MAMLD1: variants seen among roughly 807,000 people sequenced by gnomAD.
MAMLD1 encodes the protein mastermind-like domain-containing protein 1.
A neutral mutation model predicts 45.0 loss-of-function variants in MAMLD1; 14 were observed. That is an observed-to-expected ratio of 0.31 (90% CI 0.21 to 0.49). The LOEUF is 0.49. Ranked by LOEUF, MAMLD1 falls within the 20% of genes least tolerant of loss-of-function variation. The probability of loss-of-function intolerance (pLI) is 0.99; values close to 1 mark genes in which losing one functional copy is unlikely to be tolerated. For synonymous variants in MAMLD1, 254 were observed against 247.8 expected, an observed-to-expected ratio of 1.02 and a Z score of -0.24; for missense variants, 543 against 603.6, an observed-to-expected ratio of 0.90 and a Z score of 1.05.
intron 1 of MAMLD1, among the ~76,000 whole-genome samples, chrX:150,430,533 A>C (rs1051663504): frequency 1.8e-5 from 2 of 111,642 alleles, no homozygotes; most frequent in African/African-American, 6.5e-5. Flanking sequence ...GTCACGTCTA[A>C]GAAAGAACTC....
At chrX:150,473,638 T>C (rs1557406693) in intron 4 of MAMLD1, 42 bp from the exon 5 acceptor site, 1 of 1,202,850 alleles carries the variant, frequency 8.3e-7, no homozygotes, top group Admixed American at 2.2e-5. Context: ...GCTCGGGCCC[T>C]GGTCTGCAGT....
At chrX:150,424,365 A>C (rs2034633255) in intron 1 of MAMLD1, among the ~76,000 whole-genome samples, 1 of 112,140 alleles carries the variant, frequency 8.9e-6, no homozygotes, top group Admixed American at 9.4e-5. Context: ...ATGGCATGAA[A>C]ATTTCCTGAA....
intron 2 of MAMLD1, among the ~76,000 whole-genome samples, chrX:150,460,802 C>A (rs2036012192): frequency 8.9e-6 from 1 of 112,186 alleles, no homozygotes; most frequent in African/African-American, 3.2e-5. Flanking sequence ...CTCCTTATTG[C>A]CCCAGCTTAG....
At chrX:150,475,148 G>A (rs782505387) in intron 5 of MAMLD1, among the ~76,000 whole-genome samples, 19 of 111,114 alleles carry the variant, frequency 1.7e-4, no homozygotes, top group African/African-American at 4.3e-4. Flanking sequence ...TGCCGTGGAC[G>A]ATAATGGTTA....
At chrX:150,401,972 A>G (rs1369267360) in intron 1 of MAMLD1, among the ~76,000 whole-genome samples, 2 of 111,749 alleles carry the variant, frequency 1.8e-5, no homozygotes, top group Non-Finnish European at 3.8e-5. Context: ...AAAACCCTAG[A>G]AGAAAACCTA....
At chrX:150,375,678 C>T (rs1855422232) in intron 1 of MAMLD1, among the ~76,000 whole-genome samples, 1 of 112,228 alleles carries the variant, frequency 8.9e-6, no homozygotes, top group African/African-American at 3.2e-5. Flanking sequence ...ACCCGATTTG[C>T]CACGGGTAGT....
chrX:150,448,033 C>G (rs1396683413), intron 2 of MAMLD1, among the ~76,000 whole-genome samples: 2 of 112,251 alleles, frequency 1.8e-5, no homozygotes, highest in African/African-American at 3.2e-5. Flanking sequence ...GGAGAGTTCT[C>G]TTTTAGCAGT....
intron 1 of MAMLD1, among the ~76,000 whole-genome samples, chrX:150,434,869 G>C (rs979715186): frequency 6.3e-5 from 7 of 111,839 alleles, no homozygotes; most frequent in African/African-American, 2.3e-4. Flanking sequence ...TTGCAGATGA[G>C]AGGAATGTAT....
At chrX:150,430,019 CTT>C (rs1174092962) in intron 1 of MAMLD1, among the ~76,000 whole-genome samples, 68 of 49,218 alleles carry the variant, frequency 1.4e-3, no homozygotes, top group Non-Finnish European at 1.5e-3. Context: ...TCTTTCTTTT[CTT>C]TTTTTTTTTT....
At chrX:150,493,903 C>T (rs781987345) in intron 5 of MAMLD1, among the ~76,000 whole-genome samples, 1 of 112,127 alleles carries the variant, frequency 8.9e-6, no homozygotes, top group African/African-American at 3.2e-5. Flanking sequence ...AATATATAAA[C>T]ATTTAATATA....
chrX:150,501,996 T>C (rs781992105), intron 5 of MAMLD1, among the ~76,000 whole-genome samples: 1 of 112,253 alleles, frequency 8.9e-6, no homozygotes, highest in South Asian at 3.7e-4. Flanking sequence ...ATTTGTAAAA[T>C]AAGGGCAATA....
intron 1 of MAMLD1, among the ~76,000 whole-genome samples, chrX:150,374,807 T>C (rs1159441036): frequency 1.8e-5 from 2 of 111,679 alleles, no homozygotes; most frequent in Non-Finnish European, 3.8e-5. Context: ...AAATGGGATC[T>C]GAGGAGGCAG....
At chrX:150,469,397 G>A (rs987997700) in intron 3 of MAMLD1, among the ~76,000 whole-genome samples, 21 of 111,819 alleles carry the variant, frequency 1.9e-4, no homozygotes, top group African/African-American at 5.2e-4. Flanking sequence ...GTTCTATCCC[G>A]TTTTAGTATA....
chrX:150,479,496 G>A (rs2036687480), intron 5 of MAMLD1, among the ~76,000 whole-genome samples: 1 of 112,258 alleles, frequency 8.9e-6, no homozygotes, highest in African/African-American at 3.2e-5. Flanking sequence ...TATCTGAAGA[G>A]AAACAAGGAA....
At chrX:150,472,332 G>A (rs1041330287) in intron 4 of MAMLD1, among the ~76,000 whole-genome samples, 13 of 112,066 alleles carry the variant, frequency 1.2e-4, no homozygotes, top group Non-Finnish European at 2.3e-4. Context: ...CACCAGCTTC[G>A]AACCATATGC....
chrX:150,475,011 A>G (rs782070733), intron 5 of MAMLD1, among the ~76,000 whole-genome samples: 26 of 112,054 alleles, frequency 2.3e-4, no homozygotes, highest in Non-Finnish European at 3.9e-4. Context: ...GGTGGCCCCA[A>G]TGGTGGGGAA....
At chrX:150,376,675 C>T (rs1220198267) in intron 1 of MAMLD1, among the ~76,000 whole-genome samples, 1 of 111,518 alleles carries the variant, frequency 9.0e-6, no homozygotes, top group African/African-American at 3.3e-5. Context: ...TTATTCTCCA[C>T]CCCTGCCCCC....
At chrX:150,386,260 A>G (rs1160734219) in intron 1 of MAMLD1, among the ~76,000 whole-genome samples, 1 of 112,002 alleles carries the variant, frequency 8.9e-6, no homozygotes, top group East Asian at 2.8e-4. Flanking sequence ...TTTCTAAACA[A>G]TTATGGCATA....
chrX:150,401,944 A>G (rs372126121), intron 1 of MAMLD1, among the ~76,000 whole-genome samples: 13 of 110,315 alleles, frequency 1.2e-4, no homozygotes, highest in East Asian at 5.7e-4. Context: ...AGACTTAAAC[A>G]TTAGACCTAA....
Sources: allele counts gnomAD v4.1 joint callset (sites outside exome capture counted in the v4.1 genomes callset), GRCh38; gene constraint gnomAD v4.1.1; transcripts MANE v1.5; gene names NCBI Gene and HGNC (gene_info 2026-07-23, HGNC 2026-07-21).